NRDC: variants seen among roughly 807,000 people sequenced by gnomAD.
NRDC encodes nardilysin convertase, also known as nardilysin.
Under a neutral mutation model 147.1 loss-of-function variants are expected in NRDC, and 54 were observed. That is an observed-to-expected ratio of 0.37 (90% CI 0.29 to 0.46). NRDC has a LOEUF of 0.46. NRDC is among the 20% of genes least tolerant of loss of function. NRDC has a pLI of 1.00. For synonymous variants in NRDC, 440 were observed against 482.1 expected (o/e 0.91, Z 1.14); for missense variants, 1,082 against 1,370.6 (o/e 0.79, Z 3.33).
intron 20 of NRDC, chr1:51,800,961 C>A (rs1033751985): frequency 1.5e-5 from 4 of 264,002 alleles, no homozygotes; most frequent in Non-Finnish European, 2.9e-5. Context: ...ACTCCCACCT[C>A]AGCCTCCTGA....
chr1:51,824,230 A>C (rs993858409), intron 6 of NRDC, among the ~76,000 whole-genome samples: 3 of 150,904 alleles, frequency 2.0e-5, no homozygotes, highest in Non-Finnish European at 4.4e-5. Flanking sequence ...GGTTCAAGCG[A>C]TTCTCCTGCC....
chr1:51,836,699 G>C lies in NRDC; in HGVS notation c.631-487C>G, dbSNP rs868067675. ...TAACTTAGAAAATTTTGTTAAGATA[G>C]AATAAGATAACATTTTAGGAAAACA... is the stretch of plus-strand genomic sequence containing the variant. On this transcript the variant is annotated intron_variant, in intron 2 of 30. Coordinates refer to ENST00000352171, the MANE Select transcript of NRDC (RefSeq NM_001101662.2). Among the ~76,000 whole-genome samples the C allele has an allele frequency of 9.9e-5, 15 of 151,968 alleles. No homozygotes were observed. The South Asian group carries it at 2.5e-3, about 25-fold the overall frequency.
chr1:51,847,574 T>C (rs189138415), intron 1 of NRDC, among the ~76,000 whole-genome samples: 103 of 152,332 alleles, frequency 6.8e-4, no homozygotes, highest in African/African-American at 2.3e-3. Context: ...GCCAGTGGGC[T>C]GGCACTGCTG....
intron 1 of NRDC, among the ~76,000 whole-genome samples, chr1:51,849,794 C>T (rs368491518): frequency 2.0e-5 from 3 of 151,452 alleles, no homozygotes; most frequent in South Asian, 4.2e-4. Context: ...CCAGCCGGGG[C>T]GACAGAGCGA....
intron 1 of NRDC, among the ~76,000 whole-genome samples, chr1:51,866,844 T>A (rs1190638581): frequency 6.6e-6 from 1 of 151,950 alleles, no homozygotes; most frequent in East Asian, 1.9e-4. Flanking sequence ...GGTATATACA[T>A]GAAATTTAGA....
intron 1 of NRDC, among the ~76,000 whole-genome samples, chr1:51,850,252 AG>A (rs1441584898): frequency 1.3e-5 from 2 of 152,204 alleles, no homozygotes; most frequent in Non-Finnish European, 2.9e-5. Flanking sequence ...AAGTACTAAC[AG>A]GAACACCAAC....
chr1:51,818,453 C>G (rs1182591274), intron 9 of NRDC, among the ~76,000 whole-genome samples: 1 of 152,136 alleles, frequency 6.6e-6, no homozygotes, highest in Non-Finnish European at 1.5e-5. Flanking sequence ...AAATTCAGTC[C>G]TACCACTATC....
At chr1:51,794,962 G>A in intron 22 of NRDC, 108 bp from the exon 23 acceptor site, 1 of 1,567,104 alleles carries the variant, frequency 6.4e-7, no homozygotes, top group South Asian at 1.2e-5. Flanking sequence ...CATAGCTTTA[G>A]GAAAGCAGAT....
Position 51,823,755 on chromosome 1 carries a change from T to C in NRDC, c.1068A>G (p.Arg356=). The change falls in exon 7 of 31, where the codon AGA becomes AGG. Residue 356 remains arginine (R), a synonymous_variant. Transcript: ENST00000352171. ...TAGCATGTGTATCAATATTATTCTT[T>C]CTTGGCTCATGCTTGAGCGTCTCAG... ...GNAETLKHEP[R]KNNIDTHARL... is the part of the protein sequence containing the mutation. 1 of 1,606,640 alleles carries C rather than the reference T, an allele frequency of 6.2e-7. No individual in the cohort carries two copies. Among genetic ancestry groups the C allele is most frequent in the Non-Finnish European group, 8.5e-7 (1 of 1,174,462 alleles).
chr1:51,809,321 A>C lies in NRDC; in HGVS notation c.1984T>G (p.Tyr662Asp), dbSNP rs1408998795. The C allele has an allele frequency of 1.2e-6, 2 of 1,611,448 alleles. No individual in the cohort carries two copies. Among genetic ancestry groups the C allele is most frequent in the South Asian group, 2.2e-5 (2 of 91,038 alleles). The change falls in exon 17 of 31, where the codon TAC (tyrosine) becomes GAC (aspartate). Residue 662 changes from tyrosine to aspartate, a missense_variant. Transcript: ENST00000352171. ...PDLHLPAENK[Y>D]IATDFTLKAF... ...AAATTGCTATTTTACTGACCTATGTACTTGTTTTCAGCTGGAAGATGAAGA... is the reference window on the plus strand; with the variant it reads ...AAATTGCTATTTTACTGACCTATGTCCTTGTTTTCAGCTGGAAGATGAAGA...
chr1:51,876,329 T>C (rs191441092), intron 1 of NRDC, among the ~76,000 whole-genome samples: 12 of 152,320 alleles, frequency 7.9e-5, no homozygotes, highest in African/African-American at 2.9e-4. Context: ...TTGGATTTTT[T>C]TGGATTTTGG....
chr1:51,842,107 A>G (rs920229263), intron 1 of NRDC, among the ~76,000 whole-genome samples: 1 of 152,180 alleles, frequency 6.6e-6, no homozygotes, highest in Admixed American at 6.6e-5. Flanking sequence ...CAGGAGGTCC[A>G]GGCTGCAGCG....
At chr1:51,847,740 G>A (rs1681723905) in intron 1 of NRDC, among the ~76,000 whole-genome samples, 1 of 152,136 alleles carries the variant, frequency 6.6e-6, no homozygotes, top group Non-Finnish European at 1.5e-5. Context: ...GTTCCCGCCC[G>A]TGCCTCTCCC....
At chr1:51,841,144 C>G (rs926637494) in intron 1 of NRDC, among the ~76,000 whole-genome samples, 21 of 152,162 alleles carry the variant, frequency 1.4e-4, no homozygotes, top group African/African-American at 4.8e-4. Flanking sequence ...ACTGCCCAGG[C>G]TGATTTTAAA....
intron 4 of NRDC, among the ~76,000 whole-genome samples, chr1:51,831,334 T>C (rs1432294601): frequency 6.6e-6 from 1 of 152,198 alleles, no homozygotes; most frequent in Non-Finnish European, 1.5e-5. Context: ...TCTTTGTATA[T>C]GGACAAAGCT....
chr1:51,837,562 G>T lies in NRDC; in HGVS notation c.631-1350C>A, dbSNP rs987247162. The T allele has an allele frequency of 3.1e-6, 5 of 1,592,588 alleles. No individual in the cohort carries two copies. The African/African-American group carries it at 5.4e-5, about 17-fold the overall frequency. Reference sequence around the variant, plus strand: ...GGTTGAAGACATTTTTGAATAAGTTGACTTAAACCACAGTCTATCAGTCAG... The same window carrying T: ...GGTTGAAGACATTTTTGAATAAGTTTACTTAAACCACAGTCTATCAGTCAG... On this transcript the variant is annotated intron_variant, in intron 2 of 30. Coordinates refer to ENST00000352171, the MANE Select transcript of NRDC (RefSeq NM_001101662.2).
chr1:51,827,344 C>T lies in NRDC; in HGVS notation c.940+452G>A, dbSNP rs117523009. The stretch of plus-strand genomic sequence containing the variant: ...TGCAGTGGCTATAAGCCAAGCCTAA[C>T]CTATATGAACTGGAAGTCCCCTCAA... On this transcript the variant is annotated intron_variant, in intron 5 of 30. Transcript: ENST00000352171. 1.6e-3 allele frequency among the ~76,000 whole-genome samples: 251 copies of T among 152,248 alleles called. 11 individuals carry two copies. The East Asian group carries it at 0.041, about 25-fold the overall frequency.
In NRDC at chr1:51,869,125, T is replaced by C. The variant is rs182493129; in HGVS notation, c.341+9150A>G. On this transcript the variant is annotated intron_variant, in intron 1 of 30. Transcript: ENST00000352171. ...CCACCAAGCCCAGCTAATTTTTTAA[T>C]TTTTTGTAGAGGTAGGGTCTTGTTT... Among the ~76,000 whole-genome samples the C allele has an allele frequency of 2.2e-3, 342 of 152,124 alleles. 1 individual carries two copies. The highest frequency in any genetic ancestry group is 8.1e-3 in the African/African-American group (335 of 41,510).
intron 1 of NRDC, among the ~76,000 whole-genome samples, chr1:51,849,286 TA>T (rs1276486110): frequency 4.0e-5 from 6 of 151,676 alleles, no homozygotes; most frequent in African/African-American, 1.2e-4. Flanking sequence ...TAGTCCCAGC[TA>T]TACGGGAGGC....
Sources: allele counts gnomAD v4.1 joint callset (sites outside exome capture counted in the v4.1 genomes callset), GRCh38; gene constraint gnomAD v4.1.1; transcripts MANE v1.5; gene names NCBI Gene and HGNC (gene_info 2026-07-23, HGNC 2026-07-21).